Variants in MAGI1 observed in about 807,000 individuals in gnomAD.
MAGI1 encodes the protein membrane-associated guanylate kinase, WW and PDZ domain-containing protein 1.
MAGI1 carries 58 observed loss-of-function variants against 139.9 expected under a neutral mutation model. The observed-to-expected ratio is 0.41, with a 90% CI of 0.34 to 0.52. MAGI1 has a LOEUF of 0.52. Ranked by LOEUF, MAGI1 falls within the 20% of genes least tolerant of loss-of-function variation. The pLI, the probability that MAGI1 is intolerant of heterozygous loss-of-function variation, is 0.12. For missense variants in MAGI1, 1,874 were observed against 1,901.6 expected, an observed-to-expected ratio of 0.99 and a Z score of 0.27; for synonymous variants, 812 against 737.9, an observed-to-expected ratio of 1.10 and a Z score of -1.63.
intron 2 of MAGI1, among the ~76,000 whole-genome samples, chr3:65,534,762 G>T (rs1453136533): frequency 6.6e-6 from 1 of 152,162 alleles, no homozygotes; most frequent in Non-Finnish European, 1.5e-5. Flanking sequence ...AGGTCTGGCT[G>T]CCTCCAAATT....
chr3:65,468,743 A>G (rs988207416), intron 5 of MAGI1, among the ~76,000 whole-genome samples: 3 of 151,620 alleles, frequency 2.0e-5, no homozygotes, highest in Admixed American at 6.6e-5. Flanking sequence ...AAATCATACT[A>G]CCTAATTTTC....
intron 13 of MAGI1, among the ~76,000 whole-genome samples, chr3:65,400,228 C>A (rs1944743035): frequency 6.6e-6 from 1 of 152,162 alleles, no homozygotes; most frequent in East Asian, 1.9e-4. Context: ...GACAAGGAAA[C>A]CAGCCCTGAA....
At chr3:65,530,068 A>G (rs1057131582) in intron 2 of MAGI1, among the ~76,000 whole-genome samples, 5 of 151,960 alleles carry the variant, frequency 3.3e-5, no homozygotes, top group Middle Eastern at 3.2e-3. Context: ...TATTTGTTGG[A>G]AAAAAAATGC....
At chr3:66,026,580 C>CA in intron 1 of MAGI1, among the ~76,000 whole-genome samples, 1 of 150,902 alleles carries the variant, frequency 6.6e-6, no homozygotes, top group Non-Finnish European at 1.5e-5. Context: ...CTTCAAGAAA[C>CA]ACATAATCTA....
At position 65,857,724 on chromosome 3, in the gene MAGI1, A is replaced by T. The variant is rs552503995; in HGVS notation, c.313+180272T>A. Among the ~76,000 whole-genome samples, 21 of 152,342 alleles carry T rather than the reference A, an allele frequency of 1.4e-4. 1 individual carries two copies. The South Asian group carries it at 4.4e-3, about 32-fold the overall frequency. On this transcript the variant is annotated intron_variant, in intron 1 of 22. Transcript: ENST00000402939. ...GGTGAAATTTTTAAAACTGCTATGT[A>T]CTAGGAAGCTAGTCAGGTGGTGCTG...
At chr3:65,936,293 G>T (rs1246049915) in intron 1 of MAGI1, among the ~76,000 whole-genome samples, 1 of 152,130 alleles carries the variant, frequency 6.6e-6, no homozygotes, top group Non-Finnish European at 1.5e-5. Context: ...AGAAACAGCA[G>T]AATCAAAATT....
intron 1 of MAGI1, among the ~76,000 whole-genome samples, chr3:65,847,762 GATGAAATTCC>G (rs1328311265): frequency 2.6e-5 from 4 of 152,154 alleles, no homozygotes; most frequent in African/African-American, 9.7e-5. Context: ...TGCTTTTGAT[GATGAAATTCC>G]ACTGGGTACT....
chr3:65,738,153 T>C (rs2034939937), intron 1 of MAGI1, among the ~76,000 whole-genome samples: 1 of 152,186 alleles, frequency 6.6e-6, no homozygotes, highest in African/African-American at 2.4e-5. Context: ...TATACAGGCA[T>C]AGCTCACAGA....
At chr3:65,784,051 A>G (rs1393435571) in intron 1 of MAGI1, among the ~76,000 whole-genome samples, 1 of 151,970 alleles carries the variant, frequency 6.6e-6, no homozygotes, top group Non-Finnish European at 1.5e-5. Context: ...TGAACCTGGG[A>G]GGTGGAGGTT....
At chr3:65,979,903 G>T (rs1473609050) in intron 1 of MAGI1, among the ~76,000 whole-genome samples, 1 of 152,200 alleles carries the variant, frequency 6.6e-6, no homozygotes, top group African/African-American at 2.4e-5. Context: ...CTGGACTCCA[G>T]AGAGTCATCT....
At position 65,470,429 on chromosome 3, in the gene MAGI1, C is replaced by T. The variant is rs1950486847; in HGVS notation, c.813G>A (p.Val271=). 5 of 1,613,248 alleles carry T rather than the reference C, an allele frequency of 3.1e-6. No individual in the cohort carries two copies. In the South Asian group the frequency reaches 4.4e-5, roughly 14 times the overall value. The stretch of plus-strand genomic sequence containing the variant: ...TGGGAGCAGCGATGATGCTACTATT[C>T]ACAGGTGGTAATGCTGTTTCTTGGA... ...HTLQETALPP[V]NSSIIAAPIT... Residue 271 remains valine (V), a synonymous_variant, in exon 5 of 23, where the codon GTG becomes GTA. Transcript: ENST00000402939.
chr3:65,646,146 T>C (rs1006528906), intron 1 of MAGI1, among the ~76,000 whole-genome samples: 3 of 152,006 alleles, frequency 2.0e-5, no homozygotes, highest in Non-Finnish European at 4.4e-5. Flanking sequence ...AACTATATTA[T>C]GTTAACAAGA....
intron 1 of MAGI1, among the ~76,000 whole-genome samples, chr3:65,965,486 A>T (rs1249318231): frequency 6.6e-6 from 1 of 152,212 alleles, no homozygotes; most frequent in Non-Finnish European, 1.5e-5. Flanking sequence ...TCAATTAGGA[A>T]GGAAAATTAG....
intron 1 of MAGI1, among the ~76,000 whole-genome samples, chr3:65,951,043 G>T (rs1170798154): frequency 1.4e-5 from 2 of 146,848 alleles, no homozygotes; most frequent in African/African-American, 5.0e-5. Context: ...AAGGAAAGGA[G>T]GGAGGGAGGG....
At chr3:65,564,661 C>T (rs2080525502) in intron 2 of MAGI1, among the ~76,000 whole-genome samples, 1 of 152,164 alleles carries the variant, frequency 6.6e-6, no homozygotes, top group African/African-American at 2.4e-5. Flanking sequence ...TAGACACAGC[C>T]TCGTCTCATG....
intron 1 of MAGI1, among the ~76,000 whole-genome samples, chr3:65,649,458 A>T (rs901367995): frequency 1.3e-5 from 2 of 152,198 alleles, no homozygotes; most frequent in African/African-American, 4.8e-5. Context: ...ACACCATGAC[A>T]ACAAAACCAT....
intron 10 of MAGI1, among the ~76,000 whole-genome samples, chr3:65,431,879 G>C (rs1947485197): frequency 6.6e-6 from 1 of 152,172 alleles, no homozygotes; most frequent in South Asian, 2.1e-4. Context: ...TGTAATCCCA[G>C]CTACTTGGGA....
intron 1 of MAGI1, among the ~76,000 whole-genome samples, chr3:65,721,211 G>A (rs527302069): frequency 1.6e-4 from 25 of 152,228 alleles, no homozygotes; most frequent in Admixed American, 2.6e-4. Flanking sequence ...TGACTCCAGG[G>A]TATAACATAA....
intron 13 of MAGI1, among the ~76,000 whole-genome samples, chr3:65,394,755 G>A (rs952942816): frequency 6.6e-6 from 1 of 151,890 alleles, no homozygotes; most frequent in East Asian, 1.9e-4. Context: ...GCCCAGAACT[G>A]TCCAGGAGAA....
Sources: allele counts gnomAD v4.1 joint callset (sites outside exome capture counted in the v4.1 genomes callset), GRCh38; gene constraint gnomAD v4.1.1; transcripts MANE v1.5; gene names NCBI Gene and HGNC (gene_info 2026-07-23, HGNC 2026-07-21).